The following MAL2 variants were observed in gnomAD, a reference collection of about 807,000 sequenced individuals.
MAL2 encodes the protein protein MAL2.
In MAL2, 17 loss-of-function variants were observed where a neutral mutation model predicts 18.1. The observed-to-expected ratio is 0.94, with a 90% CI of 0.64 to 1.41. MAL2 has a LOEUF of 1.41. Among genes scored for constraint, MAL2 ranks in the 40% most tolerant of loss-of-function variants. MAL2 has a pLI of 0.00. For synonymous variants in MAL2, 102 were observed against 102.3 expected (o/e 1.00, Z 0.02); for missense variants, 222 against 231.9 (o/e 0.96, Z 0.28).
chr8:119,221,397 T>A (rs1817461435), intron 1 of MAL2, 190 bp from the exon 2 acceptor site: 1 of 619,938 alleles, frequency 1.6e-6, no homozygotes. Flanking sequence ...GCAGGAGGAT[T>A]GATCTTGCAC....
chr8:119,221,440 G>A, intron 1 of MAL2, 147 bp from the exon 2 acceptor site: 1 of 930,320 alleles, frequency 1.1e-6, no homozygotes, highest in East Asian at 2.4e-5. Context: ...ATAATAAGGG[G>A]AAAATCGAAG....
At position 119,244,725 on chromosome 8, in the gene MAL2, G is replaced by A. The variant is rs1818116549; in HGVS notation, c.*1237G>A. 1 of 152,128 alleles carries A rather than the reference G, an allele frequency of 6.6e-6. No homozygotes were observed. Among genetic ancestry groups the A allele is most frequent in the Admixed American group, 6.6e-5 (1 of 15,244 alleles). 9.4% of individuals were successfully genotyped at this position (152,128 alleles called of 1,614,324 possible). A position where few individuals can be genotyped will look rare whatever the true frequency, so the allele number is the denominator to read the frequency against. On this transcript the variant is annotated 3_prime_UTR_variant, in exon 4 of 4. Transcript: ENST00000614891. Reference sequence around the variant, plus strand: ...CAGACATCTGTAATGTTTTTGCACTGGTGACAGACAAAATCTGTTTTAAAA... The same window carrying A: ...CAGACATCTGTAATGTTTTTGCACTAGTGACAGACAAAATCTGTTTTAAAA...
At chr8:119,217,057 T>C (rs1817368678) in intron 1 of MAL2, among the ~76,000 whole-genome samples, 1 of 152,104 alleles carries the variant, frequency 6.6e-6, no homozygotes, top group South Asian at 2.1e-4. Context: ...ATTGCAAGAG[T>C]TGCTACTTGC....
At chr8:119,237,557 G>C (rs1218341153) in intron 2 of MAL2, among the ~76,000 whole-genome samples, 1 of 151,606 alleles carries the variant, frequency 6.6e-6, no homozygotes, top group East Asian at 1.9e-4. Context: ...CTGGCAAAAC[G>C]AATCCAGCAG....
At chr8:119,225,488 A>G (rs370729351) in intron 2 of MAL2, among the ~76,000 whole-genome samples, 1 of 152,296 alleles carries the variant, frequency 6.6e-6, no homozygotes, top group Non-Finnish European at 1.5e-5. Context: ...TCCATGGTGT[A>G]TATGTGCCAC....
Position 119,231,254 on chromosome 8 carries a change from T to G in MAL2, c.304-8911T>G, listed in dbSNP as rs982301436. Reference sequence around the variant, plus strand: ...TCACTGTGTTAGCCAGGATGGTCTCTCTCTCCTGACCTCATGATCCGCCCG... The same window carrying G: ...TCACTGTGTTAGCCAGGATGGTCTCGCTCTCCTGACCTCATGATCCGCCCG... On this transcript the variant is annotated intron_variant, in intron 2 of 3. Transcript: ENST00000614891. Among the ~76,000 whole-genome samples, 17 of 152,190 alleles carry G rather than the reference T, an allele frequency of 1.1e-4. No homozygotes were observed. The East Asian group carries it at 1.4e-3, about 12-fold the overall frequency.
chr8:119,222,083 T>C (rs1156816034), intron 2 of MAL2, among the ~76,000 whole-genome samples: 1 of 152,218 alleles, frequency 6.6e-6, no homozygotes, highest in African/African-American at 2.4e-5. Context: ...CTTTGGGAAC[T>C]AAACATTGTC....
intron 2 of MAL2, among the ~76,000 whole-genome samples, chr8:119,225,805 T>C (rs948614710): frequency 7.2e-5 from 11 of 152,298 alleles, no homozygotes; most frequent in East Asian, 5.8e-4. Flanking sequence ...TTTTAATGAT[T>C]GCCATTCTAA....
rs952904663 is a variant in MAL2, at chr8:119,245,483, G to T, written c.*1995G>T. 1 of 152,576 alleles carries T rather than the reference G, an allele frequency of 6.6e-6. No homozygotes were observed. The highest frequency in any genetic ancestry group is 1.5e-5 in the Non-Finnish European group (1 of 68,020). 9.5% of individuals were successfully genotyped at this position (152,576 alleles called of 1,614,324 possible). ...ACATCTGTGAATACTTAGATTTGTA[G>T]CTTAATCACATTCTAGACTTGTGAG... On this transcript the variant is annotated 3_prime_UTR_variant, in exon 4 of 4. Transcript: ENST00000614891.
chr8:119,237,865 T>G (rs1817945850), intron 2 of MAL2, among the ~76,000 whole-genome samples: 1 of 152,160 alleles, frequency 6.6e-6, no homozygotes, highest in Non-Finnish European at 1.5e-5. Context: ...AGCATTCCCT[T>G]TGAAAACTGG....
chr8:119,241,470 G>A (rs935607044), intron 3 of MAL2, among the ~76,000 whole-genome samples: 4 of 138,848 alleles, frequency 2.9e-5, no homozygotes, highest in African/African-American at 3.4e-5. Context: ...CAGTCTGAGC[G>A]ACAGACCAAG....
rs2129760549 is a variant in MAL2 at position 119,208,601 on chromosome 8, G to A, written c.129G>A (p.Glu43=). ...ACTCGGGCGCCTTCGTCTGCCTGGAGATTGTAAGTGGGGCCGCCGGAGCGA... is the reference window on the plus strand; with the variant it reads ...ACTCGGGCGCCTTCGTCTGCCTGGAAATTGTAAGTGGGGCCGCCGGAGCGA... ...RTYSGAFVCL[E]ILFGGLVWIL... The change falls in exon 1 of 4, where the codon GAG becomes GAA. Residue 43 remains glutamate, a synonymous_variant. Coordinates refer to ENST00000614891, the MANE Select transcript of MAL2 (RefSeq NM_052886.3). This position sits in a 1 kb window ranked among gnomAD's most constrained non-coding sequence, Gnocchi z 4.3. 1 of 1,345,000 alleles carries A rather than the reference G, an allele frequency of 7.4e-7. No homozygotes were observed. The highest frequency in any genetic ancestry group is 3.1e-5 in the East Asian group (1 of 32,498). The allele number at this position is 1,345,000 out of a possible 1,614,324, so 83.3% of individuals were successfully genotyped here.
At chr8:119,230,370 A>G (rs1170620597) in intron 2 of MAL2, among the ~76,000 whole-genome samples, 6 of 151,476 alleles carry the variant, frequency 4.0e-5, no homozygotes, top group African/African-American at 1.2e-4. Flanking sequence ...TGGACAGGAA[A>G]GCCTTGAAAC....
At chr8:119,210,028 CCA>C (rs2129765390) in intron 1 of MAL2, among the ~76,000 whole-genome samples, 1 of 152,294 alleles carries the variant, frequency 6.6e-6, no homozygotes, top group East Asian at 1.9e-4. Flanking sequence ...TCTGCAAGCT[CCA>C]GTTTTTTGCC....
At chr8:119,236,483 G>C (rs752170198) in intron 2 of MAL2, among the ~76,000 whole-genome samples, 12,344 of 149,998 alleles carry the variant, frequency 0.082, 553 homozygotes, top group Non-Finnish European at 0.092. Flanking sequence ...CAAATCAACA[G>C]AATATACATT....
At chr8:119,241,109 A>C (rs927693828) in intron 3 of MAL2, among the ~76,000 whole-genome samples, 1 of 152,174 alleles carries the variant, frequency 6.6e-6, no homozygotes, top group Non-Finnish European at 1.5e-5. Flanking sequence ...CCCAGTACTC[A>C]TATAGTCATT....
intron 2 of MAL2, among the ~76,000 whole-genome samples, chr8:119,233,553 T>C (rs879246433): frequency 7.2e-5 from 11 of 152,174 alleles, no homozygotes; most frequent in African/African-American, 2.2e-4. Context: ...AACACCTCTA[T>C]GCAAATAAAC....
intron 1 of MAL2, among the ~76,000 whole-genome samples, chr8:119,210,253 T>C (rs948298439): frequency 6.6e-6 from 1 of 152,196 alleles, no homozygotes; most frequent in African/African-American, 2.4e-5. Flanking sequence ...TGTGTATATG[T>C]AAATATATAT....
intron 1 of MAL2, among the ~76,000 whole-genome samples, chr8:119,219,536 TGTGTG>T (rs1817426384): frequency 7.7e-6 from 1 of 129,284 alleles, no homozygotes; most frequent in Non-Finnish European, 1.5e-5. Context: ...TGTGTGTGTG[TGTGTG>T]TGTGTGTGTG....
Sources: allele counts gnomAD v4.1 joint callset (sites outside exome capture counted in the v4.1 genomes callset), GRCh38; gene constraint gnomAD v4.1.1; non-coding constraint Gnocchi (gnomAD v3.1); transcripts MANE v1.5; gene names NCBI Gene and HGNC (gene_info 2026-07-23, HGNC 2026-07-21).